The following ITPK1 variants were observed in gnomAD, a reference collection of about 807,000 sequenced individuals.
ITPK1 encodes inositol-tetrakisphosphate 1-kinase.
In ITPK1, 21 loss-of-function variants were observed where a neutral mutation model predicts 45.3. The ratio of observed to expected loss-of-function variants is 0.46; its 90% CI spans 0.33 to 0.67. The LOEUF is 0.67. Ranked by LOEUF, ITPK1 falls within the 30% of genes least tolerant of loss-of-function variation. The probability of loss-of-function intolerance (pLI) is 0.02; values close to 1 mark genes in which losing one functional copy is unlikely to be tolerated. For synonymous variants in ITPK1, 258 were observed against 253.6 expected, an observed-to-expected ratio of 1.02 and a Z score of -0.16; for missense variants, 474 against 573.5, an observed-to-expected ratio of 0.83 and a Z score of 1.77.
chr14:92,958,471 C>T lies in ITPK1; in HGVS notation c.505-105G>A. 1.8e-6 allele frequency: 2 copies of T among 1,130,842 alleles called. No individual in the cohort carries two copies. The highest frequency in any genetic ancestry group is 2.8e-5 in the South Asian group (2 of 70,274). The allele number at this position is 1,130,842 out of a possible 1,614,324, so 70.1% of individuals were successfully genotyped here. On this transcript the variant is annotated intron_variant, in intron 7 of 10. Coordinates refer to ENST00000267615, the MANE Select transcript of ITPK1 (RefSeq NM_014216.6). The surrounding 1 kb of genome is among the most constrained non-coding windows in gnomAD (Gnocchi z 4.4). The stretch of plus-strand genomic sequence containing the variant: ...AGAGCACCTCCACCAAGGCCCATCC[C>T]TGGTCCTGTGGCATGAGGACTCCCC...
chr14:92,967,195 T>C (rs571445194), intron 5 of ITPK1, among the ~76,000 whole-genome samples: 45 of 152,350 alleles, frequency 3.0e-4, no homozygotes, highest in African/African-American at 1.0e-3. Context: ...GAGAAGCGTC[T>C]AGTATCCGAA....
intron 9 of ITPK1, among the ~76,000 whole-genome samples, chr14:92,948,679 G>A (rs1273272725): frequency 6.6e-6 from 1 of 152,092 alleles, no homozygotes. Flanking sequence ...GATCGACAGG[G>A]CTGGGGACAG....
At chr14:92,989,890 T>C (rs1886694172) in intron 5 of ITPK1, among the ~76,000 whole-genome samples, 1 of 152,070 alleles carries the variant, frequency 6.6e-6, no homozygotes, top group South Asian at 2.1e-4. Context: ...GGGTGGGTCA[T>C]TCTGCAAGCC....
chr14:93,073,033 CTCACACTCGG>C lies in ITPK1; in HGVS notation c.120+3552_120+3561del, dbSNP rs1233892402. Among the ~76,000 whole-genome samples, 4 of 152,366 alleles carry C rather than the reference CTCACACTCGG, an allele frequency of 2.6e-5. No homozygotes were observed. In the South Asian group the frequency reaches 8.3e-4, roughly 32 times the overall value. ...CCAGGAGGGTTTTATGCCCTGAGGT[CTCACACTCGG>C]TCAGGTCTGCCTGTGGATAGTGTAC... On this transcript the variant is annotated intron_variant, in intron 3 of 10. Transcript: ENST00000267615.
intron 3 of ITPK1, among the ~76,000 whole-genome samples, chr14:93,019,400 C>A (rs1160041729): frequency 6.6e-6 from 1 of 152,236 alleles, no homozygotes; most frequent in Non-Finnish European, 1.5e-5. Context: ...GGAAAATAAG[C>A]TCTCCGCATC....
intron 2 of ITPK1, among the ~76,000 whole-genome samples, chr14:93,103,249 T>C (rs904661494): frequency 2.6e-5 from 4 of 150,982 alleles, no homozygotes; most frequent in South Asian, 2.1e-4. Context: ...TGAAACCCCA[T>C]CTCTACTAAA....
intron 2 of ITPK1, among the ~76,000 whole-genome samples, chr14:93,107,706 C>T (rs1465461915): frequency 6.6e-6 from 1 of 152,190 alleles, no homozygotes; most frequent in Admixed American, 6.5e-5. Flanking sequence ...CTTGACGCTC[C>T]ACGGCTCCAC....
intron 3 of ITPK1, among the ~76,000 whole-genome samples, chr14:93,022,599 G>A (rs191280484): frequency 5.3e-5 from 8 of 150,562 alleles, no homozygotes; most frequent in Non-Finnish European, 7.4e-5. Context: ...TGCAACCTCT[G>A]CCTCCCGGGT....
chr14:93,013,926 G>A (rs1257889908), intron 4 of ITPK1, among the ~76,000 whole-genome samples: 3 of 152,264 alleles, frequency 2.0e-5, no homozygotes, highest in East Asian at 3.9e-4. Context: ...GTGGTAGAAG[G>A]AAGCCTCTTC....
intron 3 of ITPK1, among the ~76,000 whole-genome samples, chr14:93,025,983 G>T (rs528479028): frequency 6.6e-6 from 1 of 152,204 alleles, no homozygotes; most frequent in Admixed American, 6.5e-5. Flanking sequence ...AAAATTAGCC[G>T]GGCTGGTGGT....
intron 4 of ITPK1, among the ~76,000 whole-genome samples, chr14:92,996,692 G>A (rs964254234): frequency 3.9e-5 from 6 of 152,080 alleles, no homozygotes; most frequent in Admixed American, 1.3e-4. Context: ...GCTTCACCCC[G>A]CCAGATCTAT....
chr14:92,963,004 G>A (rs999513316), intron 5 of ITPK1, 155 bp from the exon 6 acceptor site: 51 of 563,020 alleles, frequency 9.1e-5, no homozygotes, highest in African/African-American at 8.2e-4. Context: ...GCTCGTGTGT[G>A]TGAACAATAA....
At chr14:93,091,574 G>C (rs956814021) in intron 2 of ITPK1, among the ~76,000 whole-genome samples, 2 of 152,182 alleles carry the variant, frequency 1.3e-5, no homozygotes, top group African/African-American at 2.4e-5. Context: ...CCTACGCCGA[G>C]TGCTGGGCTC....
chr14:92,958,110 T>TG lies in ITPK1; in HGVS notation c.670+90dup. 4 of 1,247,196 alleles carry TG rather than the reference T, an allele frequency of 3.2e-6. No individual in the cohort carries two copies. The highest frequency in any genetic ancestry group is 4.7e-6 in the Non-Finnish European group (4 of 854,556). The allele number at this position is 1,247,196 out of a possible 1,614,324, so 77.3% of individuals were successfully genotyped here. On this transcript the variant is annotated intron_variant, in intron 8 of 10. Coordinates refer to ENST00000267615, the MANE Select transcript of ITPK1 (RefSeq NM_014216.6). This position sits in a 1 kb window ranked among gnomAD's most constrained non-coding sequence, Gnocchi z 4.4. Reference sequence around the variant, plus strand: ...CATCCCACCAAGAACACAGGGTGGTTGGGGCAGTGCCGAAGGACAGACAGC... The same window carrying TG: ...CATCCCACCAAGAACACAGGGTGGTTGGGGGCAGTGCCGAAGGACAGACAGC...
At chr14:92,972,982 G>C (rs1044383723) in intron 5 of ITPK1, among the ~76,000 whole-genome samples, 1 of 152,152 alleles carries the variant, frequency 6.6e-6, no homozygotes, top group Non-Finnish European at 1.5e-5. Flanking sequence ...GATGGTCCCC[G>C]TTCCATGCCT....
intron 2 of ITPK1, among the ~76,000 whole-genome samples, chr14:93,091,466 TTC>T (rs1381382725): frequency 6.6e-6 from 1 of 152,148 alleles, no homozygotes; most frequent in Non-Finnish European, 1.5e-5. Flanking sequence ...TCATTCTTCA[TTC>T]TCTCTTTTTA....
intron 3 of ITPK1, among the ~76,000 whole-genome samples, chr14:93,074,008 A>G (rs759709054): frequency 5.3e-5 from 8 of 152,172 alleles, no homozygotes; most frequent in Non-Finnish European, 1.2e-4. Context: ...CCCAGCTCCC[A>G]GGGCCCAGCA....
intron 2 of ITPK1, among the ~76,000 whole-genome samples, chr14:93,094,918 T>C (rs909915028): frequency 6.6e-6 from 1 of 152,248 alleles, no homozygotes; most frequent in African/African-American, 2.4e-5. Context: ...GGCACAGGCT[T>C]GCCCGCTTTC....
chr14:93,111,186 T>C (rs1234485844), intron 2 of ITPK1, among the ~76,000 whole-genome samples: 1 of 152,170 alleles, frequency 6.6e-6, no homozygotes, highest in East Asian at 1.9e-4. Context: ...CACCAAGTCA[T>C]GTGCCTCTTC....
Sources: gnomAD v4.1 joint callset for allele counts (sites outside exome capture counted in the v4.1 genomes callset) on GRCh38, gnomAD v4.1.1 for gene constraint, Gnocchi (gnomAD v3.1) non-coding constraint, MANE v1.5 for transcripts, NCBI Gene and HGNC (gene_info 2026-07-23, HGNC 2026-07-21) for gene names.